PAPSS1: variants seen among roughly 807,000 people sequenced by gnomAD.
PAPSS1 encodes the protein 3'-phosphoadenosine 5'-phosphosulfate synthase 1.
Under a neutral mutation model 72.0 loss-of-function variants are expected in PAPSS1, and 50 were observed. The observed-to-expected ratio is 0.69, with a 90% confidence interval of 0.55 to 0.88. The LOEUF (loss-of-function observed/expected upper bound fraction) is 0.88. Ranked by LOEUF, PAPSS1 falls within the 40% of genes least tolerant of loss-of-function variation. The pLI is 0.00. For synonymous variants in PAPSS1, 261 were observed against 263.6 expected, an observed-to-expected ratio of 0.99 and a Z score of 0.09; for missense variants, 657 against 782.2, an observed-to-expected ratio of 0.84 and a Z score of 1.91.
At chr4:107,715,576 G>C (rs1010219773) in intron 1 of PAPSS1, among the ~76,000 whole-genome samples, 1 of 152,156 alleles carries the variant, frequency 6.6e-6, no homozygotes, top group Non-Finnish European at 1.5e-5. Context: ...CCACATATAA[G>C]GAGACAAGCT....
intron 2 of PAPSS1, among the ~76,000 whole-genome samples, chr4:107,700,171 G>C (rs1251664222): frequency 6.6e-6 from 1 of 151,988 alleles, no homozygotes; most frequent in Non-Finnish European, 1.5e-5. Context: ...TAACTTTTTT[G>C]CCAATCAGCA....
At chr4:107,617,789 T>A (rs1725859483) in intron 11 of PAPSS1, among the ~76,000 whole-genome samples, 1 of 152,234 alleles carries the variant, frequency 6.6e-6, no homozygotes, top group South Asian at 2.1e-4. Flanking sequence ...TCAGAGAGTT[T>A]ATAAATGTAG....
rs990614499 is a variant in PAPSS1 at position 107,700,205 on chromosome 4, A to G, written c.175+966T>C. Among the ~76,000 whole-genome samples the G allele has an allele frequency of 8.3e-4, 126 of 152,328 alleles. 1 individual carries two copies. Among genetic ancestry groups the G allele is most frequent in the African/African-American group, 2.8e-3 (118 of 41,572 alleles). On this transcript the variant is annotated intron_variant, in intron 2 of 11. Coordinates refer to ENST00000265174, the MANE Select transcript of PAPSS1 (RefSeq NM_005443.5). ...CACAAATTTTTAAGAACTGGTAACA[A>G]CCACTGTTGACAAAGACACTGGGAA... is the stretch of plus-strand genomic sequence containing the variant.
intron 11 of PAPSS1, among the ~76,000 whole-genome samples, chr4:107,627,827 C>T (rs935449788): frequency 6.6e-6 from 1 of 152,084 alleles, no homozygotes; most frequent in Non-Finnish European, 1.5e-5. Flanking sequence ...TTTACAGTTG[C>T]ACTTTTTAGA....
At chr4:107,634,983 A>G (rs1426975442) in intron 10 of PAPSS1, among the ~76,000 whole-genome samples, 1 of 151,842 alleles carries the variant, frequency 6.6e-6, no homozygotes, top group Non-Finnish European at 1.5e-5. Context: ...TATTTTTAGT[A>G]GAGACGGGGT....
Position 107,693,847 on chromosome 4 carries a change from C to A in PAPSS1, c.335G>T (p.Arg112Leu), listed in dbSNP as rs772133360. The A allele has an allele frequency of 2.5e-6, 4 of 1,613,784 alleles. No individual in the cohort carries two copies. Among genetic ancestry groups the A allele is most frequent in the African/African-American group, 2.7e-5 (2 of 74,910 alleles). Reference protein sequence around the residue: ...SPEDREENVRRIAEVAKLFAD... With the variant: ...SPEDREENVRLIAEVAKLFAD... ...AAACAGTTTAGCAACTTCTGCGATG[C>A]GTCGAACATTCTCTTCTCTGTCTTC... Residue 112 changes from arginine to leucine, a missense_variant, in exon 3 of 12, where the codon CGC (arginine) becomes CTC (leucine). Physicochemically the swap from Arg to Leu is moderately radical, Grantham distance 102. Around this residue, in one of 7 missense-constraint regions of PAPSS1, gnomAD observed 119 missense variants for 171.1 expected, o/e 0.70. Transcript: ENST00000265174.
intron 5 of PAPSS1, among the ~76,000 whole-genome samples, chr4:107,667,299 C>T (rs1727345596): frequency 6.6e-6 from 1 of 152,138 alleles, no homozygotes; most frequent in African/African-American, 2.4e-5. Context: ...ACATCTCTTC[C>T]ATCTGGCTGT....
intron 1 of PAPSS1, among the ~76,000 whole-genome samples, chr4:107,709,741 A>G (rs1211790527): frequency 6.6e-6 from 1 of 152,196 alleles, no homozygotes; most frequent in Admixed American, 6.5e-5. Flanking sequence ...CACTAGGACT[A>G]TCTTCCACAC....
At position 107,614,189 on chromosome 4, in the gene PAPSS1, C is replaced by T. The variant is rs1212991333; in HGVS notation, c.*60G>A. 6.6e-7 allele frequency: 1 copy of T among 1,517,324 alleles called. No individual in the cohort carries two copies. The allele number at this position is 1,517,324 out of a possible 1,614,324, so 94.0% of individuals were successfully genotyped here. A position where few individuals can be genotyped will look rare whatever the true frequency, so the allele number is the denominator to read the frequency against. On this transcript the variant is annotated 3_prime_UTR_variant, in exon 12 of 12. Transcript: ENST00000265174. ...CACCACAAAGAAATGCCAACAGAGA[C>T]TATGTGGTCCCCTCTTGTTACTAGT...
intron 3 of PAPSS1, among the ~76,000 whole-genome samples, chr4:107,688,849 A>G (rs4956126): frequency 0.27 from 41,681 of 152,070 alleles, 6,828 homozygotes; most frequent in East Asian, 0.46. Context: ...CAGGTGCCAA[A>G]AACTAAGCAT....
At chr4:107,617,756 G>C (rs1725858717) in intron 11 of PAPSS1, among the ~76,000 whole-genome samples, 1 of 152,162 alleles carries the variant, frequency 6.6e-6, no homozygotes, top group African/African-American at 2.4e-5. Context: ...AACAGATATT[G>C]CTTCAAAATA....
chr4:107,669,567 T>C (rs1229442656), intron 5 of PAPSS1, among the ~76,000 whole-genome samples: 2 of 152,178 alleles, frequency 1.3e-5, no homozygotes, highest in African/African-American at 4.8e-5. Context: ...TCCACAAAAG[T>C]GCCTACCACA....
intron 10 of PAPSS1, among the ~76,000 whole-genome samples, chr4:107,634,789 T>C (rs915161595): frequency 2.0e-5 from 3 of 148,632 alleles, no homozygotes; most frequent in Non-Finnish European, 3.0e-5. Context: ...TTCTACAATA[T>C]TCTAGACATT....
At chr4:107,703,782 T>C (rs1723267669) in intron 1 of PAPSS1, among the ~76,000 whole-genome samples, 1 of 152,182 alleles carries the variant, frequency 6.6e-6, no homozygotes, top group Non-Finnish European at 1.5e-5. Context: ...TTACGTAATG[T>C]TAATACCTCC....
intron 1 of PAPSS1, among the ~76,000 whole-genome samples, chr4:107,719,351 G>A (rs1723716722): frequency 6.6e-6 from 1 of 152,090 alleles, no homozygotes; most frequent in African/African-American, 2.4e-5. Context: ...ACTTACAAAG[G>A]AAGATAAGGC....
At chr4:107,691,125 T>C (rs1189987949) in intron 3 of PAPSS1, among the ~76,000 whole-genome samples, 1 of 151,980 alleles carries the variant, frequency 6.6e-6, no homozygotes, top group Non-Finnish European at 1.5e-5. Context: ...TGAACCTGTG[T>C]AAATAATACT....
At chr4:107,710,704 C>T (rs1264581631) in intron 1 of PAPSS1, among the ~76,000 whole-genome samples, 3 of 152,184 alleles carry the variant, frequency 2.0e-5, no homozygotes, top group South Asian at 2.1e-4. Context: ...GCCAGCTCTC[C>T]GTTCAGGGTC....
At chr4:107,651,558 G>A (rs1726840093) in intron 9 of PAPSS1, among the ~76,000 whole-genome samples, 1 of 152,132 alleles carries the variant, frequency 6.6e-6, no homozygotes, top group African/African-American at 2.4e-5. Flanking sequence ...ATGGTGGAAG[G>A]GGAAGTGAAC....
chr4:107,625,922 C>T (rs1161267196), intron 11 of PAPSS1, among the ~76,000 whole-genome samples: 1 of 150,942 alleles, frequency 6.6e-6, no homozygotes, highest in African/African-American at 2.4e-5. Flanking sequence ...TGGCTCATGC[C>T]TGTAATCCCA....
Sources: allele counts gnomAD v4.1 joint callset (sites outside exome capture counted in the v4.1 genomes callset), GRCh38; gene constraint gnomAD v4.1.1; regional missense constraint gnomAD v4.1.1; transcripts MANE v1.5; gene names NCBI Gene and HGNC (gene_info 2026-07-23, HGNC 2026-07-21).